PCDHAC2: variants seen among roughly 807,000 people sequenced by gnomAD.
PCDHAC2 encodes the protein protocadherin alpha-C2.
A neutral mutation model predicts 63.3 loss-of-function variants in PCDHAC2; 24 were observed. The observed-to-expected ratio is 0.38, with a 90% CI of 0.27 to 0.53. The LOEUF is 0.53. Among genes scored for constraint, PCDHAC2 ranks in the 20% least tolerant of loss-of-function variants. The pLI is 0.81. For synonymous variants in PCDHAC2, 569 were observed against 529.4 expected (o/e 1.07, Z -1.03); for missense variants, 1,181 against 1,275.2 (o/e 0.93, Z 1.12).
At chr5:140,989,317 C>G (rs184467267) in intron 3 of PCDHAC2, among the ~76,000 whole-genome samples, 2 of 152,126 alleles carry the variant, frequency 1.3e-5, no homozygotes, top group Non-Finnish European at 2.9e-5. Context: ...TAGGGTCTCA[C>G]CAACTTTGCC....
chr5:141,008,941 G>T, intron 3 of PCDHAC2, among the ~76,000 whole-genome samples: 1 of 152,140 alleles, frequency 6.6e-6, no homozygotes, highest in East Asian at 1.9e-4. Context: ...TCTTGTTTTG[G>T]ACAAAATAGA....
At chr5:140,999,088 G>T (rs1429141341) in intron 3 of PCDHAC2, among the ~76,000 whole-genome samples, 1 of 152,156 alleles carries the variant, frequency 6.6e-6, no homozygotes, top group Non-Finnish European at 1.5e-5. Context: ...TCCTTCAGAG[G>T]GCTATGGAGA....
chr5:140,999,015 C>G (rs2097843117), intron 3 of PCDHAC2, among the ~76,000 whole-genome samples: 1 of 152,280 alleles, frequency 6.6e-6, no homozygotes, highest in East Asian at 1.9e-4. Context: ...GATTTGAACC[C>G]AAGACTTTTG....
Position 141,010,435 on chromosome 5 carries a change from A to C in PCDHAC2, c.*498A>C. 1 of 1,039,068 alleles carries C rather than the reference A, an allele frequency of 9.6e-7. No individual in the cohort carries two copies. The highest frequency in any genetic ancestry group is 1.4e-6 in the Non-Finnish European group (1 of 739,892). The allele number at this position is 1,039,068 out of a possible 1,614,324, so 64.4% of individuals were successfully genotyped here. A position where few individuals can be genotyped will look rare whatever the true frequency, so the allele number is the denominator to read the frequency against. On this transcript the variant is annotated 3_prime_UTR_variant, in exon 4 of 4. Transcript: ENST00000289269. ...TGGTACAAGGAAGGCAAGAAAACAA[A>C]GACAAATAAACAGCGGAAGTTATCA...
At chr5:140,982,241 T>G in intron 2 of PCDHAC2, 1 of 696,668 alleles carries the variant, frequency 1.4e-6, no homozygotes, top group South Asian at 3.3e-5. Context: ...AGAATTGCCA[T>G]AAAGATAGAA....
chr5:140,978,661 T>A (rs1035787381), intron 1 of PCDHAC2, among the ~76,000 whole-genome samples: 15 of 152,246 alleles, frequency 9.9e-5, no homozygotes, highest in Admixed American at 9.8e-4. Context: ...CCGTAGTGTT[T>A]TAAGAACACA....
chr5:140,972,987 T>C (rs2096567014), intron 1 of PCDHAC2, among the ~76,000 whole-genome samples: 1 of 152,044 alleles, frequency 6.6e-6, no homozygotes, highest in Admixed American at 6.6e-5. Flanking sequence ...TAAGGTAGAT[T>C]CTGTGCATTT....
At chr5:141,001,253 C>T (rs896546841) in intron 3 of PCDHAC2, among the ~76,000 whole-genome samples, 22 of 152,078 alleles carry the variant, frequency 1.4e-4, no homozygotes, top group African/African-American at 5.1e-4. Flanking sequence ...CCCTATGGGG[C>T]GGGCACTCTT....
chr5:140,987,078 G>T (rs1158243032), intron 3 of PCDHAC2, among the ~76,000 whole-genome samples: 4 of 152,026 alleles, frequency 2.6e-5, no homozygotes, highest in Non-Finnish European at 5.9e-5. Context: ...GCTGGGCGTG[G>T]TGGCAGGTGC....
intron 3 of PCDHAC2, among the ~76,000 whole-genome samples, chr5:140,985,288 A>G (rs1007960248): frequency 1.3e-5 from 2 of 152,112 alleles, no homozygotes; most frequent in African/African-American, 4.8e-5. Flanking sequence ...AATCTATGAT[A>G]TAGTGTTGGC....
At chr5:141,000,361 G>GTC (rs148596731) in intron 3 of PCDHAC2, among the ~76,000 whole-genome samples, 441 of 26,430 alleles carry the variant, frequency 0.017, 8 homozygotes, top group Non-Finnish European at 0.02. Flanking sequence ...GTCTCTCTCT[G>GTC]TCTCTCTCTC....
At chr5:140,974,808 G>A (rs1229375180) in intron 1 of PCDHAC2, among the ~76,000 whole-genome samples, 1 of 152,090 alleles carries the variant, frequency 6.6e-6, no homozygotes, top group Non-Finnish European at 1.5e-5. Context: ...TATACTAGAA[G>A]ACCAATATGC....
chr5:140,998,005 C>T (rs539275150), intron 3 of PCDHAC2, among the ~76,000 whole-genome samples: 300 of 152,282 alleles, frequency 2.0e-3, no homozygotes, highest in Non-Finnish European at 3.8e-3. Context: ...TCTGAGCCTT[C>T]CATCCCCACC....
intron 1 of PCDHAC2, among the ~76,000 whole-genome samples, chr5:140,978,436 G>A (rs190191755): frequency 6.6e-6 from 1 of 152,348 alleles, no homozygotes; most frequent in East Asian, 1.9e-4. Flanking sequence ...AGTTGCTGGT[G>A]TTATGACTGG....
intron 1 of PCDHAC2, among the ~76,000 whole-genome samples, chr5:140,977,477 A>G (rs919582107): frequency 4.6e-5 from 7 of 152,230 alleles, no homozygotes. Flanking sequence ...AGATAATTTT[A>G]TGCTATGTTA....
At chr5:141,004,919 T>A (rs144687292) in intron 3 of PCDHAC2, among the ~76,000 whole-genome samples, 2 of 152,264 alleles carry the variant, frequency 1.3e-5, no homozygotes, top group East Asian at 3.9e-4. Flanking sequence ...GGAAAAGGGT[T>A]TGGAAGAGAG....
intron 3 of PCDHAC2, among the ~76,000 whole-genome samples, chr5:141,002,270 G>T (rs1304168184): frequency 6.6e-6 from 1 of 152,172 alleles, no homozygotes; most frequent in Non-Finnish European, 1.5e-5. Context: ...CCCAGAGCTG[G>T]TAACAAAGGG....
chr5:140,993,460 T>TCACACACA (rs1554253699), intron 3 of PCDHAC2, among the ~76,000 whole-genome samples: 14 of 104,506 alleles, frequency 1.3e-4, no homozygotes, highest in African/African-American at 2.4e-4. Flanking sequence ...CTTCTTTCTT[T>TCACACACA]CTCACACACA....
At chr5:140,973,107 G>A (rs2096572271) in intron 1 of PCDHAC2, among the ~76,000 whole-genome samples, 1 of 152,192 alleles carries the variant, frequency 6.6e-6, no homozygotes, top group South Asian at 2.1e-4. Flanking sequence ...TTATGAAAGA[G>A]TAGCAGAGAT....
Sources: allele counts gnomAD v4.1 joint callset (sites outside exome capture counted in the v4.1 genomes callset), GRCh38; gene constraint gnomAD v4.1.1; transcripts MANE v1.5; gene names NCBI Gene and HGNC (gene_info 2026-07-23, HGNC 2026-07-21).